The following MID1 variants were observed in gnomAD, a reference collection of about 807,000 sequenced individuals.
The protein encoded by MID1 is midline 1.
A neutral mutation model predicts 40.4 loss-of-function variants in MID1; 7 were observed. The observed-to-expected ratio is 0.17, with a 90% CI of 0.10 to 0.33. The LOEUF (loss-of-function observed/expected upper bound fraction) is 0.33, where lower values mean the gene tolerates loss of function less well. Among genes scored for constraint, MID1 ranks in the 10% least tolerant of loss-of-function variants. The pLI is 1.00. For synonymous variants in MID1, 229 were observed against 221.2 expected, an observed-to-expected ratio of 1.04 and a Z score of -0.31; for missense variants, 367 against 558.5, an observed-to-expected ratio of 0.66 and a Z score of 3.46.
At position 10,530,938 on chromosome X, in the gene MID1, T is replaced by C. The variant is rs1376245582; in HGVS notation, c.661-7751A>G. ...TGAAACAGGAGATTTCAGTAATTCC[T>C]TTTGGGTTTGCCCAGGACTTAAAGA... is the stretch of plus-strand genomic sequence containing the variant. On this transcript the variant is annotated intron_variant, in intron 2 of 9. Coordinates refer to ENST00000317552, the MANE Select transcript of MID1 (RefSeq NM_000381.4). Among the ~76,000 whole-genome samples, 3 of 112,352 alleles carry C rather than the reference T, an allele frequency of 2.7e-5. No individual in the cohort carries two copies. In the East Asian group the frequency reaches 8.4e-4, roughly 32 times the overall value.
intron 1 of MID1, among the ~76,000 whole-genome samples, chrX:10,601,741 G>A (rs964789917): frequency 1.8e-5 from 2 of 110,916 alleles, no homozygotes; most frequent in Admixed American, 1.9e-4. Flanking sequence ...ACACACACAC[G>A]TACGTGTGCA....
At chrX:10,706,218 G>A (rs2043230679) in intron 1 of MID1, among the ~76,000 whole-genome samples, 1 of 111,305 alleles carries the variant, frequency 9.0e-6, no homozygotes, top group African/African-American at 3.3e-5. Context: ...TTAATATTGT[G>A]AATACAATAT....
At chrX:10,603,478 C>T (rs943777195) in intron 1 of MID1, among the ~76,000 whole-genome samples, 1 of 111,911 alleles carries the variant, frequency 8.9e-6, no homozygotes, top group Non-Finnish European at 1.9e-5. Context: ...TATCTCTTTC[C>T]TCTAATCTGG....
At chrX:10,457,301 C>T (rs1378235664) in intron 8 of MID1, among the ~76,000 whole-genome samples, 2 of 111,632 alleles carry the variant, frequency 1.8e-5, no homozygotes, top group Non-Finnish European at 3.8e-5. Context: ...CTCACACCCT[C>T]ACCCACGCAT....
chrX:10,743,557 G>A (rs1288836814), intron 1 of MID1, among the ~76,000 whole-genome samples: 1 of 111,841 alleles, frequency 8.9e-6, no homozygotes. Context: ...CAAGCAATTG[G>A]CTGCTTATAA....
intron 4 of MID1, among the ~76,000 whole-genome samples, chrX:10,491,930 T>C (rs369352911): frequency 8.9e-5 from 10 of 112,181 alleles, no homozygotes; most frequent in African/African-American, 3.2e-4. Context: ...CAAACTTTAA[T>C]GTCACTCAGA....
intron 1 of MID1, among the ~76,000 whole-genome samples, chrX:10,573,831 A>C (rs1323300569): frequency 9.0e-6 from 1 of 111,635 alleles, no homozygotes; most frequent in Non-Finnish European, 1.9e-5. Context: ...CCGGTTTAGC[A>C]CTGACAGTTC....
At chrX:10,668,680 C>A (rs184725130) in intron 1 of MID1, among the ~76,000 whole-genome samples, 1 of 112,385 alleles carries the variant, frequency 8.9e-6, no homozygotes, top group African/African-American at 3.2e-5. Context: ...ATCACTTTAA[C>A]AAATTTGTGA....
At chrX:10,580,495 C>T (rs748084909) in intron 1 of MID1, among the ~76,000 whole-genome samples, 1 of 111,059 alleles carries the variant, frequency 9.0e-6, no homozygotes, top group African/African-American at 3.3e-5. Context: ...ATATAGTATA[C>T]CGCTTTTGCC....
At chrX:10,759,974 G>C (rs1001210185) in intron 1 of MID1, among the ~76,000 whole-genome samples, 1 of 112,010 alleles carries the variant, frequency 8.9e-6, no homozygotes, top group African/African-American at 3.3e-5. Flanking sequence ...GGACTCTCTC[G>C]CATAGTCGCT....
intron 1 of MID1, among the ~76,000 whole-genome samples, chrX:10,791,891 T>C (rs533967476): frequency 1.5e-3 from 167 of 111,879 alleles, no homozygotes; most frequent in African/African-American, 5.4e-3. Flanking sequence ...CTAACTTTTT[T>C]TCATTGAAAT....
chrX:10,617,482 C>T (rs763898473), intron 1 of MID1, among the ~76,000 whole-genome samples: 1 of 112,447 alleles, frequency 8.9e-6, no homozygotes, highest in East Asian at 2.8e-4. Context: ...AATTTAGCAG[C>T]TACGTGACTT....
intron 1 of MID1, among the ~76,000 whole-genome samples, chrX:10,602,211 CAA>C (rs57040395): frequency 0.021 from 2,065 of 99,830 alleles, 77 homozygotes; most frequent in African/African-American, 0.081. Context: ...AACAATTAAG[CAA>C]ATAGTTTCTG....
intron 1 of MID1, among the ~76,000 whole-genome samples, chrX:10,790,185 T>G (rs1442014929): frequency 9.0e-6 from 1 of 111,254 alleles, no homozygotes; most frequent in East Asian, 2.8e-4. Flanking sequence ...TTTTTTTCTT[T>G]TCTTTTGAGA....
chrX:10,664,367 A>G (rs978203410), intron 1 of MID1, among the ~76,000 whole-genome samples: 27 of 111,277 alleles, frequency 2.4e-4, no homozygotes, highest in Admixed American at 5.7e-4. Flanking sequence ...TGGTGGTTTC[A>G]CCATGTTGGC....
intron 3 of MID1, among the ~76,000 whole-genome samples, chrX:10,517,484 G>A (rs1404861492): frequency 8.9e-6 from 1 of 112,157 alleles, no homozygotes; most frequent in African/African-American, 3.2e-5. Context: ...AACCAAAAAT[G>A]TCATTTCCTG....
intron 1 of MID1, among the ~76,000 whole-genome samples, chrX:10,732,622 C>T: frequency 8.9e-6 from 1 of 111,919 alleles, no homozygotes; most frequent in Non-Finnish European, 1.9e-5. Flanking sequence ...TTTGTAGAAA[C>T]TGACAAGTTG....
intron 5 of MID1, among the ~76,000 whole-genome samples, chrX:10,481,789 G>A (rs1930343860): frequency 8.9e-6 from 1 of 112,448 alleles, no homozygotes; most frequent in South Asian, 3.7e-4. Flanking sequence ...AGGTGTTTGT[G>A]TCAGTGAAGA....
At chrX:10,790,741 T>C (rs12007626) in intron 1 of MID1, among the ~76,000 whole-genome samples, 11,416 of 111,368 alleles carry the variant, frequency 0.1, 1,420 homozygotes, top group African/African-American at 0.35. Context: ...AATTTTCATT[T>C]GAACCATCTA....
Sources: gnomAD v4.1 joint callset for allele counts (sites outside exome capture counted in the v4.1 genomes callset) on GRCh38, gnomAD v4.1.1 for gene constraint, MANE v1.5 for transcripts, NCBI Gene and HGNC (gene_info 2026-07-23, HGNC 2026-07-21) for gene names.